The following DLC1 variants were observed in gnomAD, a reference collection of about 807,000 sequenced individuals.
DLC1 encodes DLC1 Rho GTPase activating protein.
DLC1 carries 54 observed loss-of-function variants against 140.3 expected under a neutral mutation model. That is an observed-to-expected ratio of 0.38 (90% CI 0.31 to 0.48). The LOEUF (loss-of-function observed/expected upper bound fraction) is 0.48, where lower values mean the gene tolerates loss of function less well. Among genes scored for constraint, DLC1 ranks in the 20% least tolerant of loss-of-function variants. DLC1 has a pLI of 0.96. For synonymous variants in DLC1, 986 were observed against 728.1 expected, an observed-to-expected ratio of 1.35 and a Z score of -5.70; for missense variants, 2,536 against 1,907.0, an observed-to-expected ratio of 1.33 and a Z score of -6.14.
intron 6 of DLC1, among the ~76,000 whole-genome samples, chr8:13,111,266 A>G (rs1820086306): frequency 6.6e-6 from 1 of 152,216 alleles, no homozygotes; most frequent in South Asian, 2.1e-4. Context: ...AGAAAGATCT[A>G]GAGAACAATG....
chr8:13,202,530 TAA>T (rs1585901687), intron 5 of DLC1, among the ~76,000 whole-genome samples: 1 of 152,218 alleles, frequency 6.6e-6, no homozygotes, highest in Non-Finnish European at 1.5e-5. Flanking sequence ...GCAGAATTTC[TAA>T]GCCTGCCTGT....
intron 2 of DLC1, among the ~76,000 whole-genome samples, chr8:13,402,985 ACAAT>A (rs1289733542): frequency 6.6e-6 from 1 of 152,212 alleles, no homozygotes; most frequent in Non-Finnish European, 1.5e-5. Context: ...AATTTTTCAG[ACAAT>A]CAATTAAGCT....
At chr8:13,344,248 C>A (rs1834207543) in intron 4 of DLC1, among the ~76,000 whole-genome samples, 1 of 152,160 alleles carries the variant, frequency 6.6e-6, no homozygotes, top group Non-Finnish European at 1.5e-5. Flanking sequence ...AATCCCAGCA[C>A]TTTGGGAGGC....
intron 4 of DLC1, among the ~76,000 whole-genome samples, chr8:13,384,071 G>A (rs1745452491): frequency 6.6e-6 from 1 of 152,170 alleles, no homozygotes; most frequent in Non-Finnish European, 1.5e-5. Flanking sequence ...GTTCAGGCAA[G>A]GTCTTTCATG....
At chr8:13,160,928 A>G (rs538315246) in intron 5 of DLC1, among the ~76,000 whole-genome samples, 1 of 152,258 alleles carries the variant, frequency 6.6e-6, no homozygotes, top group East Asian at 1.9e-4. Flanking sequence ...AAAAATATAA[A>G]AAATTAGCCA....
intron 5 of DLC1, among the ~76,000 whole-genome samples, chr8:13,252,432 T>C (rs1295735182): frequency 6.6e-6 from 1 of 152,156 alleles, no homozygotes; most frequent in Non-Finnish European, 1.5e-5. Context: ...TTAAGAAGCT[T>C]AACATGAACC....
At chr8:13,597,587 T>C (rs1805725870) in intron 1 of DLC1, among the ~76,000 whole-genome samples, 1 of 152,092 alleles carries the variant, frequency 6.6e-6, no homozygotes, top group Non-Finnish European at 1.5e-5. Context: ...GATCATAGTG[T>C]GTTTTACATT....
intron 5 of DLC1, among the ~76,000 whole-genome samples, chr8:13,143,866 A>G (rs1396068508): frequency 7.9e-6 from 1 of 126,932 alleles, no homozygotes; most frequent in African/African-American, 3.1e-5. Flanking sequence ...TAGACATGCC[A>G]AGGTTTTCCA....
At chr8:13,569,091 C>T (rs1056389826) in intron 1 of DLC1, among the ~76,000 whole-genome samples, 33 of 152,022 alleles carry the variant, frequency 2.2e-4, no homozygotes, top group Non-Finnish European at 4.1e-4. Context: ...AGTATTATTC[C>T]ACAAGGAATA....
intron 7 of DLC1, among the ~76,000 whole-genome samples, chr8:13,108,820 C>T (rs1819807866): frequency 6.6e-6 from 1 of 152,110 alleles, no homozygotes; most frequent in Non-Finnish European, 1.5e-5. Context: ...AGCATGAAAA[C>T]ATTAAAAAAA....
At chr8:13,141,212 G>A (rs1342306481) in intron 5 of DLC1, among the ~76,000 whole-genome samples, 1 of 125,570 alleles carries the variant, frequency 8.0e-6, no homozygotes, top group Non-Finnish European at 1.6e-5. Flanking sequence ...CCGAGATTGC[G>A]CCATTGCACT....
intron 1 of DLC1, among the ~76,000 whole-genome samples, 157 bp downstream of exon 1, chr8:13,514,445 A>T (rs7013809): frequency 6.6e-6 from 1 of 152,142 alleles, no homozygotes; most frequent in East Asian, 1.9e-4. Flanking sequence ...TTGACTCAGA[A>T]TTTTCTACTT....
At chr8:13,371,330 C>T (rs1835717230) in intron 4 of DLC1, among the ~76,000 whole-genome samples, 1 of 152,098 alleles carries the variant, frequency 6.6e-6, no homozygotes, top group Non-Finnish European at 1.5e-5. Flanking sequence ...TATTCTGTCC[C>T]CATTCAAAAG....
At chr8:13,092,111 G>A (rs539165691) in intron 13 of DLC1, among the ~76,000 whole-genome samples, 208 of 152,254 alleles carry the variant, frequency 1.4e-3, no homozygotes, top group African/African-American at 4.6e-3. Context: ...TGGGCGTGGT[G>A]GCAGGCACCT....
chr8:13,466,552 A>G (rs1198521115), intron 2 of DLC1, among the ~76,000 whole-genome samples: 1 of 152,166 alleles, frequency 6.6e-6, no homozygotes, highest in Non-Finnish European at 1.5e-5. Context: ...GTCACAGGTC[A>G]GATACTTAGA....
intron 2 of DLC1, among the ~76,000 whole-genome samples, chr8:13,467,723 C>G (rs1800004781): frequency 6.6e-6 from 1 of 152,158 alleles, no homozygotes; most frequent in Non-Finnish European, 1.5e-5. Flanking sequence ...ACAGACAGCT[C>G]CTGTCCCAAA....
intron 2 of DLC1, among the ~76,000 whole-genome samples, chr8:13,483,559 T>A (rs13277022): frequency 1.3e-5 from 2 of 152,080 alleles, no homozygotes; most frequent in Non-Finnish European, 1.5e-5. Flanking sequence ...AACCAAAAAC[T>A]AGTTAGGCAA....
At chr8:13,423,430 T>C (rs1309400523) in intron 2 of DLC1, among the ~76,000 whole-genome samples, 1 of 152,178 alleles carries the variant, frequency 6.6e-6, no homozygotes, top group African/African-American at 2.4e-5. Flanking sequence ...ACTTGTTTTA[T>C]AAGCTGATGG....
chr8:13,094,610 G>C, intron 12 of DLC1, 149 bp downstream of exon 12: 1 of 916,856 alleles, frequency 1.1e-6, no homozygotes, highest in South Asian at 1.7e-5. Flanking sequence ...AGGTTGCAGT[G>C]AGCCGAGGTC....
Sources: allele counts gnomAD v4.1 joint callset (sites outside exome capture counted in the v4.1 genomes callset), GRCh38; gene constraint gnomAD v4.1.1; transcripts MANE v1.5; gene names NCBI Gene and HGNC (gene_info 2026-07-23, HGNC 2026-07-21).